Variants in PCDH15 observed in about 807,000 individuals in gnomAD.
PCDH15 encodes protocadherin-15.
A neutral mutation model predicts 178.5 loss-of-function variants in PCDH15; 129 were observed. The observed-to-expected ratio is 0.72, with a 90% CI of 0.63 to 0.84. The LOEUF (loss-of-function observed/expected upper bound fraction) is 0.84. Ranked by LOEUF, PCDH15 falls within the 40% of genes least tolerant of loss-of-function variation. The pLI, the probability that PCDH15 is intolerant of heterozygous loss-of-function variation, is 0.00. For missense variants in PCDH15, 2,230 were observed against 2,099.9 expected, an observed-to-expected ratio of 1.06 and a Z score of -1.21; for synonymous variants, 800 against 732.0, an observed-to-expected ratio of 1.09 and a Z score of -1.50.
intron 7 of PCDH15, among the ~76,000 whole-genome samples, chr10:54,327,441 A>G (rs1938393647): frequency 6.7e-6 from 1 of 149,032 alleles, no homozygotes; most frequent in Non-Finnish European, 1.5e-5. Flanking sequence ...ATCTTATAAT[A>G]TATAATTATA....
intron 2 of PCDH15, among the ~76,000 whole-genome samples, chr10:55,552,704 C>T (rs1169537364): frequency 4.0e-5 from 6 of 151,090 alleles, no homozygotes; most frequent in Non-Finnish European, 8.9e-5. Flanking sequence ...AATTCCAATT[C>T]AAAATATACT....
At chr10:55,441,054 G>A (rs1217072807) in intron 2 of PCDH15, among the ~76,000 whole-genome samples, 1 of 152,112 alleles carries the variant, frequency 6.6e-6, no homozygotes, top group Non-Finnish European at 1.5e-5. Flanking sequence ...GATGAGATTT[G>A]GGTGGGGACA....
chr10:54,564,621 A>C (rs539187077), intron 2 of PCDH15, among the ~76,000 whole-genome samples: 1 of 152,280 alleles, frequency 6.6e-6, no homozygotes, highest in Non-Finnish European at 1.5e-5. Flanking sequence ...TAGGTGGCAA[A>C]TTAGAAAAGG....
chr10:54,636,938 T>C (rs1386651260), intron 2 of PCDH15, among the ~76,000 whole-genome samples: 2 of 151,922 alleles, frequency 1.3e-5, no homozygotes, highest in African/African-American at 4.8e-5. Flanking sequence ...GACATACTCA[T>C]GATGTAATAT....
intron 3 of PCDH15, among the ~76,000 whole-genome samples, chr10:54,490,529 A>G (rs181777287): frequency 6.6e-6 from 1 of 151,862 alleles, no homozygotes; most frequent in Non-Finnish European, 1.5e-5. Context: ...TAATAAAAAA[A>G]TTTTTAAAAA....
intron 1 of PCDH15, among the ~76,000 whole-genome samples, chr10:55,172,867 G>A (rs141529220): frequency 7.9e-5 from 12 of 151,790 alleles, no homozygotes; most frequent in African/African-American, 2.4e-4. Flanking sequence ...TGAGAAAGCT[G>A]TTATTAGAAA....
intron 2 of PCDH15, among the ~76,000 whole-genome samples, chr10:54,961,087 G>A (rs1838634131): frequency 6.6e-6 from 1 of 152,238 alleles, no homozygotes; most frequent in Admixed American, 6.5e-5. Flanking sequence ...TGATGGTTGT[G>A]ACTGCCCGTC....
chr10:55,179,554 C>G (rs763948188), intron 1 of PCDH15, among the ~76,000 whole-genome samples: 1 of 110,354 alleles, frequency 9.1e-6, no homozygotes, highest in South Asian at 2.8e-4. Context: ...CACTCCCCCC[C>G]ATTCTAAGCC....
At chr10:54,026,212 G>A (rs1195546063) in intron 18 of PCDH15, among the ~76,000 whole-genome samples, 1 of 152,102 alleles carries the variant, frequency 6.6e-6, no homozygotes, top group South Asian at 2.1e-4. Context: ...GGCACTACAA[G>A]CACATGCCCC....
intron 2 of PCDH15, among the ~76,000 whole-genome samples, chr10:55,607,639 A>AATATATATATAT (rs1843254017): frequency 1.5e-5 from 2 of 132,024 alleles, no homozygotes; most frequent in African/African-American, 5.6e-5. Context: ...TCAGTAAACT[A>AATATATATATAT]TCACAAGAAC....
intron 1 of PCDH15, among the ~76,000 whole-genome samples, chr10:55,222,730 C>CACATATATATATATATATATATATATAT: frequency 1.6e-5 from 2 of 121,264 alleles, no homozygotes; most frequent in African/African-American, 3.4e-5. Flanking sequence ...CACACACACA[C>CACATATATATATATATATATATATATAT]ATATATATAT....
rs192565604 is a variant in PCDH15 at position 54,736,614 on chromosome 10, G to T, written c.-29+64311C>A. 3.2e-4 allele frequency among the ~76,000 whole-genome samples: 48 copies of T among 152,200 alleles called. 1 individual carries two copies. The highest frequency in any genetic ancestry group is 1.0e-3 in the Admixed American group (16 of 15,260). On this transcript the variant is annotated intron_variant, in intron 1 of 37. Coordinates refer to ENST00000644397, the MANE Select transcript of PCDH15 (RefSeq NM_001384140.1). ...AAGGAGAACTCTTTCCTCTGCAGTT[G>T]TGTGTAGTTTTTGTATGAGTTTAGT... is the stretch of plus-strand genomic sequence containing the variant.
At chr10:53,951,298 C>T (rs1451082863) in intron 23 of PCDH15, among the ~76,000 whole-genome samples, 2 of 151,966 alleles carry the variant, frequency 1.3e-5, no homozygotes, top group Middle Eastern at 3.2e-3. Flanking sequence ...GGATATTACC[C>T]GGACTTAATT....
chr10:55,050,759 G>T (rs1270602335), intron 2 of PCDH15, among the ~76,000 whole-genome samples: 2 of 152,024 alleles, frequency 1.3e-5, no homozygotes, highest in African/African-American at 4.8e-5. Flanking sequence ...TGCGTAGGCA[G>T]TCTGAAAATC....
At chr10:54,394,588 G>A (rs7071949) in intron 3 of PCDH15, among the ~76,000 whole-genome samples, 3 of 152,114 alleles carry the variant, frequency 2.0e-5, no homozygotes, top group African/African-American at 4.8e-5. Flanking sequence ...TCACAGGACC[G>A]CAGGACCGAG....
At chr10:55,367,287 A>G (rs2131985267) in intron 2 of PCDH15, among the ~76,000 whole-genome samples, 1 of 152,262 alleles carries the variant, frequency 6.6e-6, no homozygotes, top group East Asian at 1.9e-4. Context: ...CAGCACTCAA[A>G]CTGGAAGAAG....
At chr10:54,900,394 G>T (rs1360529954) in intron 2 of PCDH15, among the ~76,000 whole-genome samples, 1 of 152,150 alleles carries the variant, frequency 6.6e-6, no homozygotes, top group Non-Finnish European at 1.5e-5. Context: ...GATTGAAGGA[G>T]ATTTGAGCAA....
At chr10:54,753,740 T>C (rs1173908119) in intron 1 of PCDH15, among the ~76,000 whole-genome samples, 2 of 152,120 alleles carry the variant, frequency 1.3e-5, no homozygotes, top group African/African-American at 4.8e-5. Flanking sequence ...GGTTAAATGG[T>C]TTCCCCTGGT....
rs558735025 is a variant in PCDH15 at position 54,472,776 on chromosome 10, G to A, written c.157+55036C>T. 2.2e-4 allele frequency among the ~76,000 whole-genome samples: 33 copies of A among 152,242 alleles called. No individual in the cohort carries two copies. The South Asian group carries it at 6.2e-3, about 29-fold the overall frequency. The stretch of plus-strand genomic sequence containing the variant: ...GACCACAGTTTTAGAAAATGGGAGC[G>A]AGCCTGGAAAGGAGTGGACAGGTGT... On this transcript the variant is annotated intron_variant, in intron 3 of 37. Transcript: ENST00000644397.
Sources: allele counts gnomAD v4.1 joint callset (sites outside exome capture counted in the v4.1 genomes callset), GRCh38; gene constraint gnomAD v4.1.1; transcripts MANE v1.5; gene names NCBI Gene and HGNC (gene_info 2026-07-23, HGNC 2026-07-21).